The following GALNT16 variants were observed in gnomAD, a reference collection of about 807,000 sequenced individuals.
GALNT16 encodes polypeptide N-acetylgalactosaminyltransferase 16, also known as UDP-GalNAc:polypeptide N-acetylgalactosaminyltransferase-like protein 1.
In GALNT16, 40 loss-of-function variants were observed where a neutral mutation model predicts 76.1. The ratio of observed to expected loss-of-function variants is 0.53; its 90% CI spans 0.41 to 0.68. The LOEUF (loss-of-function observed/expected upper bound fraction) is 0.68. GALNT16 is among the 30% of genes least tolerant of loss of function. The probability of loss-of-function intolerance (pLI) is 0.00; values close to 1 mark genes in which losing one functional copy is unlikely to be tolerated. For missense variants in GALNT16, 621 were observed against 731.9 expected (o/e 0.85, Z 1.75); for synonymous variants, 276 against 285.2 (o/e 0.97, Z 0.32).
chr14:69,384,409 A>C, the GALNT16 span, among the ~76,000 whole-genome samples: 1 of 152,232 alleles, frequency 6.6e-6, no homozygotes, highest in Admixed American at 6.5e-5. Flanking sequence ...GGAGCTAGCA[A>C]ATGGTAGACC....
Position 69,333,923 on chromosome 14 carries a change from A to G in GALNT16, c.967+323A>G, listed in dbSNP as rs949780935. On this transcript the variant is annotated intron_variant, in intron 9 of 14. Coordinates refer to ENST00000448469, the MANE Select transcript of GALNT16 (RefSeq NM_001168368.2). The surrounding 1 kb of genome is among the most constrained non-coding windows in gnomAD (Gnocchi z 4.2). The stretch of plus-strand genomic sequence containing the variant: ...AACTGTATCACAGACCACAGCTTAC[A>G]CACGTGGCTGCTTCCCTACCAGCAA... Among the ~76,000 whole-genome samples the G allele has an allele frequency of 3.3e-5, 5 of 152,206 alleles. No homozygotes were observed. The highest frequency in any genetic ancestry group is 7.3e-5 in the Non-Finnish European group (5 of 68,042).
chr14:69,359,766 G>A (rs962952438), downstream of GALNT16, among the ~76,000 whole-genome samples: 1 of 152,182 alleles, frequency 6.6e-6, no homozygotes, highest in African/African-American at 2.4e-5. Flanking sequence ...GGTGGCTCAC[G>A]CCTGGAATTC....
the GALNT16 span, among the ~76,000 whole-genome samples, chr14:69,365,569 T>C: frequency 6.6e-6 from 1 of 152,152 alleles, no homozygotes; most frequent in African/African-American, 2.4e-5. Flanking sequence ...TGGAACTGAA[T>C]GATGAGAACA....
rs2045650784 is a variant in GALNT16, at chr14:69,352,403, G to A, written c.*235G>A. The A allele has an allele frequency of 1.9e-6, 1 of 513,458 alleles. No individual in the cohort carries two copies. The highest frequency in any genetic ancestry group is 3.4e-6 in the Non-Finnish European group (1 of 290,700). 31.8% of individuals were successfully genotyped at this position (513,458 alleles called of 1,614,324 possible). On this transcript the variant is annotated 3_prime_UTR_variant, in exon 15 of 15. Transcript: ENST00000448469. ...TGCCCCGGGAGAGGAGATGGTCAGGGTGCTGGACTGTTGCTGGGTAGAGAC... is the reference window on the plus strand; with the variant it reads ...TGCCCCGGGAGAGGAGATGGTCAGGATGCTGGACTGTTGCTGGGTAGAGAC...
At chr14:69,307,901 C>T (rs2044960521) in intron 1 of GALNT16, among the ~76,000 whole-genome samples, 1 of 152,150 alleles carries the variant, frequency 6.6e-6, no homozygotes, top group African/African-American at 2.4e-5. Flanking sequence ...ACCCCCAGTC[C>T]CACCCTGTTT....
intron 1 of GALNT16, among the ~76,000 whole-genome samples, chr14:69,296,803 AGC>A (rs1258838834): frequency 2.8e-4 from 28 of 101,740 alleles, no homozygotes; most frequent in African/African-American, 9.8e-4. Flanking sequence ...AGACAGATAG[AGC>A]TAGATAGATA....
At chr14:69,366,169 GGAAT>G in the GALNT16 span, among the ~76,000 whole-genome samples, 11 of 152,192 alleles carry the variant, frequency 7.2e-5, no homozygotes, top group African/African-American at 2.7e-4. Flanking sequence ...ATTTCACAGA[GGAAT>G]GAATGAATGA....
At chr14:69,299,395 G>A (rs141028534) in intron 1 of GALNT16, among the ~76,000 whole-genome samples, 50 of 152,268 alleles carry the variant, frequency 3.3e-4, no homozygotes, top group African/African-American at 1.2e-3. Flanking sequence ...AAGTTTATCT[G>A]GCAGTACTTT....
chr14:69,298,100 G>A (rs768456798), intron 1 of GALNT16, among the ~76,000 whole-genome samples: 3 of 152,218 alleles, frequency 2.0e-5, no homozygotes, highest in Non-Finnish European at 4.4e-5. Context: ...TCAGCTACAA[G>A]TTCAGACTAG....
chr14:69,263,586 A>G (rs1024208684), intron 1 of GALNT16, among the ~76,000 whole-genome samples: 4 of 152,246 alleles, frequency 2.6e-5, no homozygotes, highest in African/African-American at 9.6e-5. Context: ...GAGGGTCTGC[A>G]GAAGCGCCTG....
At chr14:69,327,100 C>T (rs1243108021) in intron 5 of GALNT16, among the ~76,000 whole-genome samples, 2 of 152,172 alleles carry the variant, frequency 1.3e-5, no homozygotes. Context: ...AAAATAATCC[C>T]AGCACTTTGG....
intron 1 of GALNT16, among the ~76,000 whole-genome samples, chr14:69,318,242 C>T (rs1175828957): frequency 6.6e-6 from 1 of 152,178 alleles, no homozygotes; most frequent in East Asian, 1.9e-4. Context: ...AAGGGAACAG[C>T]AGACTTTACT....
chr14:69,270,794 G>A (rs2044398273), intron 1 of GALNT16, among the ~76,000 whole-genome samples: 1 of 152,204 alleles, frequency 6.6e-6, no homozygotes, highest in East Asian at 1.9e-4. Context: ...GCAGGCTTGG[G>A]GCATTATCCC....
chr14:69,268,868 G>T (rs2044370663), intron 1 of GALNT16, among the ~76,000 whole-genome samples: 1 of 152,194 alleles, frequency 6.6e-6, no homozygotes, highest in Non-Finnish European at 1.5e-5. Context: ...GTTCCAGACA[G>T]CCTGGGCCAG....
chr14:69,324,975 G>A (rs2052296172), intron 3 of GALNT16, among the ~76,000 whole-genome samples, 185 bp downstream of exon 3: 2 of 152,316 alleles, frequency 1.3e-5, no homozygotes, highest in Admixed American at 6.5e-5. Context: ...AGAGGAATGC[G>A]ACAGTCAAAC....
chr14:69,260,802 C>T (rs901516584), intron 1 of GALNT16, among the ~76,000 whole-genome samples: 9 of 151,518 alleles, frequency 5.9e-5, no homozygotes, highest in Non-Finnish European at 1.3e-4. Context: ...GCGGGAGCCT[C>T]GTGTGCCCCG....
At chr14:69,355,800 T>C (rs1384637156), downstream of GALNT16, 2 of 152,244 alleles carry the variant, frequency 1.3e-5, no homozygotes, top group African/African-American at 4.8e-5. Context: ...CCTCTGTGAC[T>C]TGGCTTCAGT....
At chr14:69,268,761 A>G (rs1416504376) in intron 1 of GALNT16, among the ~76,000 whole-genome samples, 1 of 152,238 alleles carries the variant, frequency 6.6e-6, no homozygotes, top group Non-Finnish European at 1.5e-5. Flanking sequence ...GAAAGATGGG[A>G]AAAGGATGGC....
intron 3 of GALNT16, 88 bp from the exon 4 acceptor site, chr14:69,325,249 G>A (rs1433582142): frequency 3.6e-6 from 3 of 827,056 alleles, no homozygotes; most frequent in Non-Finnish European, 6.5e-6. Context: ...GAGCTGGGCG[G>A]CTGGGGAGTC....
Sources: allele counts gnomAD v4.1 joint callset (sites outside exome capture counted in the v4.1 genomes callset), GRCh38; gene constraint gnomAD v4.1.1; non-coding constraint Gnocchi (gnomAD v3.1); transcripts MANE v1.5; gene names NCBI Gene and HGNC (gene_info 2026-07-23, HGNC 2026-07-21).